AGAP3: variants seen among roughly 807,000 people sequenced by gnomAD.
AGAP3 encodes ArfGAP with GTPase domain, ankyrin repeat and PH domain 3.
AGAP3 carries 24 observed loss-of-function variants against 96.9 expected under a neutral mutation model. The observed-to-expected ratio is 0.25, with a 90% confidence interval of 0.18 to 0.35. The LOEUF (loss-of-function observed/expected upper bound fraction) is 0.35. Among genes scored for constraint, AGAP3 ranks in the 10% least tolerant of loss-of-function variants. The probability of loss-of-function intolerance (pLI) is 1.00; values close to 1 mark genes in which losing one functional copy is unlikely to be tolerated. For synonymous variants in AGAP3, 563 were observed against 536.1 expected (o/e 1.05, Z -0.69); for missense variants, 876 against 1,254.2 (o/e 0.70, Z 4.55).
intron 1 of AGAP3, among the ~76,000 whole-genome samples, chr7:151,091,224 T>TG (rs796613634): frequency 2.4e-4 from 36 of 152,216 alleles, no homozygotes; most frequent in African/African-American, 6.0e-4. Flanking sequence ...AGATGAGGAC[T>TG]GGGGGGGTCT....
intron 1 of AGAP3, chr7:151,115,308 C>A: frequency 4.0e-6 from 4 of 1,006,872 alleles, no homozygotes; most frequent in Non-Finnish European, 4.7e-6. Flanking sequence ...GGAGGGGCCC[C>A]GGCGCGGCCT....
At chr7:151,128,772 G>T in intron 10 of AGAP3, 88 bp downstream of exon 10, 10 of 1,141,488 alleles carry the variant, frequency 8.8e-6, no homozygotes, top group Non-Finnish European at 1.3e-5. Flanking sequence ...CAGGCTCCAG[G>T]ATGGACGGGA....
At position 151,139,979 on chromosome 7, in the gene AGAP3, C is replaced by A. The variant is rs748152237; in HGVS notation, c.1667C>A (p.Ala556Asp). Residue 556 changes from alanine to aspartate, a missense_variant and splice_region_variant, in exon 13 of 18, where the codon GCC becomes GAC. Around this residue, in one of 8 missense-constraint regions of AGAP3, gnomAD observed 155 missense variants for 144.4 expected, o/e 1.07. Coordinates refer to ENST00000397238, the MANE Select transcript of AGAP3 (RefSeq NM_031946.7). This position sits in a 1 kb window ranked among gnomAD's most constrained non-coding sequence, Gnocchi z 4.9. ...TSLPPGMQHPASGPAEVLSSS... is the reference protein window; with the variant it reads ...TSLPPGMQHPDSGPAEVLSSS... Reference sequence around the variant, plus strand: ...ACTTCTCCAACTCTCCCCTCACCAGCCAGTGGCCCAGCTGAGGTACTCAGT... The same window carrying A: ...ACTTCTCCAACTCTCCCCTCACCAGACAGTGGCCCAGCTGAGGTACTCAGT... The A allele has an allele frequency of 6.4e-7, 1 of 1,559,402 alleles. No individual in the cohort carries two copies.
intron 10 of AGAP3, among the ~76,000 whole-genome samples, chr7:151,129,357 A>G (rs995352970): frequency 2.6e-5 from 4 of 151,958 alleles, no homozygotes; most frequent in Non-Finnish European, 4.4e-5. Context: ...GCCCCGGCCC[A>G]GAAGCTCTGG....
intron 1 of AGAP3, among the ~76,000 whole-genome samples, chr7:151,113,722 C>T (rs1670726677): frequency 6.6e-6 from 1 of 152,206 alleles, no homozygotes; most frequent in Non-Finnish European, 1.5e-5. Flanking sequence ...CGGAAACTGG[C>T]TGGGCTTCAG....
Position 151,117,414 on chromosome 7 carries a change from C to T in AGAP3, c.522C>T (p.Tyr174=), listed in dbSNP as rs1799646592. The change falls in exon 4 of 18, where the codon TAC becomes TAT. Residue 174 remains tyrosine, a synonymous_variant. Coordinates refer to ENST00000397238, the MANE Select transcript of AGAP3 (RefSeq NM_031946.7). ...KKEIVVDGQS[Y]LLLIRDEGGP... ...AGATTGTGGTGGATGGCCAGAGTTACCTGCTGCTGATCCGAGATGAAGGAG... is the reference window on the plus strand; with the variant it reads ...AGATTGTGGTGGATGGCCAGAGTTATCTGCTGCTGATCCGAGATGAAGGAG... 1 of 1,614,206 alleles carries T rather than the reference C, an allele frequency of 6.2e-7. No homozygotes were observed. Among genetic ancestry groups the T allele is most frequent in the Non-Finnish European group, 8.5e-7 (1 of 1,180,034 alleles).
chr7:151,143,530 C>T lies in AGAP3; in HGVS notation c.2463C>T (p.Asp821=), dbSNP rs773524124. 60 of 1,613,932 alleles carry T rather than the reference C, an allele frequency of 3.7e-5. No individual in the cohort carries two copies. Among genetic ancestry groups the T allele is most frequent in the Admixed American group, 3.0e-4 (18 of 59,994 alleles). ...EEVNETYGDG[D]GRTALHLSSA... is the part of the protein sequence containing the mutation. ...TGAATGAGACCTATGGGGACGGGGACGGGCGGACGGCTCTACATCTCTCCA... is the reference window on the plus strand; with the variant it reads ...TGAATGAGACCTATGGGGACGGGGATGGGCGGACGGCTCTACATCTCTCCA... Residue 821 remains aspartate, a synonymous_variant, in exon 17 of 18, where the codon GAC becomes GAT. Transcript: ENST00000397238. The surrounding 1 kb of genome is among the most constrained non-coding windows in gnomAD (Gnocchi z 5.9).
rs1250316958 is a variant in AGAP3, at chr7:151,139,954, A to G, written c.1667-25A>G. On this transcript the variant is annotated intron_variant, in intron 12 of 17. Transcript: ENST00000397238. This position sits in a 1 kb window ranked among gnomAD's most constrained non-coding sequence, Gnocchi z 4.9. The stretch of plus-strand genomic sequence containing the variant: ...CCTCCTCTGCCTCCCTTCTTCCCAC[A>G]CTTCTCCAACTCTCCCCTCACCAGC... 6 of 1,494,818 alleles carry G rather than the reference A, an allele frequency of 4.0e-6. No individual in the cohort carries two copies. The highest frequency in any genetic ancestry group is 1.3e-5 in the South Asian group (1 of 75,524). 92.6% of individuals were successfully genotyped at this position (1,494,818 alleles called of 1,614,324 possible).
At chr7:151,129,637 A>G (rs1283684164) in intron 10 of AGAP3, among the ~76,000 whole-genome samples, 2 of 152,012 alleles carry the variant, frequency 1.3e-5, no homozygotes, top group African/African-American at 4.8e-5. Flanking sequence ...TACCTGGGAG[A>G]CTGGAGGAGG....
At chr7:151,123,035 T>C in intron 8 of AGAP3, 3 of 1,344,234 alleles carry the variant, frequency 2.2e-6, no homozygotes, top group Non-Finnish European at 2.9e-6. Flanking sequence ...AGAAGGCAGC[T>C]CGGCCCCACG....
intron 8 of AGAP3, among the ~76,000 whole-genome samples, chr7:151,121,591 G>A (rs756001045): frequency 7.2e-5 from 11 of 151,886 alleles, no homozygotes; most frequent in Non-Finnish European, 1.5e-4. Context: ...CCCAGTCCCC[G>A]GCCTCCTCCC....
intron 1 of AGAP3, chr7:151,115,513 GC>G: frequency 3.9e-6 from 4 of 1,030,862 alleles, no homozygotes; most frequent in Non-Finnish European, 3.5e-6. Context: ...GAGCCCGGCC[GC>G]CCCCGCACCG....
intron 11 of AGAP3, 95 bp from the exon 12 acceptor site, chr7:151,138,048 C>A: frequency 2.0e-6 from 2 of 1,012,822 alleles, no homozygotes; most frequent in Non-Finnish European, 2.9e-6. Flanking sequence ...CTGAATGTCT[C>A]AGGCTCTGCT....
At chr7:151,138,396 G>A (rs1584787664) in intron 12 of AGAP3, 83 bp downstream of exon 12, 2 of 1,451,984 alleles carry the variant, frequency 1.4e-6, no homozygotes, top group Non-Finnish European at 1.8e-6. Flanking sequence ...TTCTTGGCTT[G>A]GGAGGCTGCA....
In AGAP3 at chr7:151,141,796, A is replaced by G. The variant is rs1800822321; in HGVS notation, c.1805-102A>G. ...GCTGGGGAAGGGTCTAGGGGAGGAC[A>G]CTTGCCAGTGGAGCAGGGTAGTGAG... is the stretch of plus-strand genomic sequence containing the variant. On this transcript the variant is annotated intron_variant, in intron 13 of 17. Coordinates refer to ENST00000397238, the MANE Select transcript of AGAP3 (RefSeq NM_031946.7). The surrounding 1 kb of genome is among the most constrained non-coding windows in gnomAD (Gnocchi z 4.2). The G allele has an allele frequency of 5.4e-6, 8 of 1,495,066 alleles. No individual in the cohort carries two copies. In the East Asian group the frequency reaches 1.8e-4, roughly 34 times the overall value. 92.6% of individuals were successfully genotyped at this position (1,495,066 alleles called of 1,614,324 possible). A position where few individuals can be genotyped will look rare whatever the true frequency, so the allele number is the denominator to read the frequency against.
chr7:151,112,597 GTGCT>G (rs1447092523), intron 1 of AGAP3, among the ~76,000 whole-genome samples: 3 of 151,878 alleles, frequency 2.0e-5, no homozygotes, highest in Non-Finnish European at 4.4e-5. Context: ...CTGCTGTCCT[GTGCT>G]TGCTTCTTAT....
chr7:151,109,168 AAAAAAAAAAAAAC>A lies in AGAP3; in HGVS notation c.332-7618_332-7606del, dbSNP rs527270166. Among the ~76,000 whole-genome samples the A allele has an allele frequency of 5.4e-3, 730 of 135,894 alleles. 4 individuals carry two copies. Among genetic ancestry groups the A allele is most frequent in the African/African-American group, 0.023 (701 of 30,554 alleles). The allele number at this position is 135,894 out of a possible 152,430, so 89.2% of individuals were successfully genotyped here. The stretch of plus-strand genomic sequence containing the variant: ...CATAGTGAGACTCCCACCTCTGTAA[AAAAAAAAAAAAAC>A]AAAAAACAAAAAACAAAGAAAACAA... On this transcript the variant is annotated intron_variant, in intron 1 of 17. Transcript: ENST00000397238.
rs1422983617 is a variant in AGAP3, at chr7:151,131,907, C to T, written c.1327-2493C>T. ...AACTAGAGCAGCCCAAGCCCCTCCC[C>T]TAAGGAGGGACTGCAGCTGTGCCTT... On this transcript the variant is annotated intron_variant, in intron 10 of 17. Transcript: ENST00000397238. Among the ~76,000 whole-genome samples, 9 of 152,192 alleles carry T rather than the reference C, an allele frequency of 5.9e-5. No individual in the cohort carries two copies. The East Asian group carries it at 1.7e-3, about 29-fold the overall frequency.
At chr7:151,125,673 A>G (rs1305248867) in intron 9 of AGAP3, among the ~76,000 whole-genome samples, 1 of 152,126 alleles carries the variant, frequency 6.6e-6, no homozygotes, top group East Asian at 1.9e-4. Flanking sequence ...CCGCCGGTCC[A>G]GCCCCGCCAG....
Sources: allele counts gnomAD v4.1 joint callset (sites outside exome capture counted in the v4.1 genomes callset), GRCh38; gene constraint gnomAD v4.1.1; regional missense constraint gnomAD v4.1.1; non-coding constraint Gnocchi (gnomAD v3.1); transcripts MANE v1.5; gene names NCBI Gene and HGNC (gene_info 2026-07-23, HGNC 2026-07-21).